SNX20: variants seen among roughly 807,000 people sequenced by gnomAD.
The protein encoded by SNX20 is sorting nexin 20.
SNX20 carries 21 observed loss-of-function variants against 24.5 expected under a neutral mutation model. The observed-to-expected ratio is 0.86, with a 90% CI of 0.61 to 1.23. The LOEUF is 1.23. SNX20 is among the 50% of genes most tolerant of loss of function. The probability of loss-of-function intolerance (pLI) is 0.00; values close to 1 mark genes in which losing one functional copy is unlikely to be tolerated. For missense variants in SNX20, 433 were observed against 430.8 expected, an observed-to-expected ratio of 1.00 and a Z score of -0.04; for synonymous variants, 206 against 192.8, an observed-to-expected ratio of 1.07 and a Z score of -0.57.
chr16:50,678,825 C>A (rs540319558), intron 1 of SNX20, among the ~76,000 whole-genome samples: 1 of 152,180 alleles, frequency 6.6e-6, no homozygotes, highest in African/African-American at 2.4e-5. Context: ...ACAGAACCCA[C>A]GTTCACAAGG....
intron 2 of SNX20, among the ~76,000 whole-genome samples, chr16:50,676,205 A>G (rs1289151508): frequency 6.6e-6 from 1 of 151,650 alleles, no homozygotes; most frequent in Non-Finnish European, 1.5e-5. Flanking sequence ...TGCATCGTCC[A>G]CTTCTGGTCT....
downstream of SNX20, chr16:50,669,443 A>C: frequency 3.3e-6 from 1 of 303,228 alleles, no homozygotes; most frequent in Non-Finnish European, 6.2e-6. Flanking sequence ...CAGAGTGAGA[A>C]CTCATTCATT....
At chr16:50,680,459 C>T (rs1230459738) in intron 1 of SNX20, among the ~76,000 whole-genome samples, 1 of 150,244 alleles carries the variant, frequency 6.7e-6, no homozygotes, top group East Asian at 1.9e-4. Context: ...AGTCATTCTC[C>T]TCCTCCTGTC....
downstream of SNX20, chr16:50,670,812 A>C (rs945194148): frequency 6.6e-6 from 1 of 151,580 alleles, no homozygotes; most frequent in Non-Finnish European, 1.5e-5. Flanking sequence ...CATGGCCAGA[A>C]GAAACTCCCG....
At chr16:50,671,053 TTCTC>T (rs1369234702), downstream of SNX20, 1 of 152,058 alleles carries the variant, frequency 6.6e-6, no homozygotes, top group Admixed American at 6.5e-5. Flanking sequence ...TATAAGTATT[TTCTC>T]TCTGTGTGCA....
downstream of SNX20, chr16:50,669,037 C>T: frequency 6.4e-7 from 1 of 1,551,816 alleles, no homozygotes; most frequent in Non-Finnish European, 8.7e-7. Flanking sequence ...GTGTGTGCTG[C>T]CTCTCAGAGC....
downstream of SNX20, chr16:50,668,091 C>T (rs747915383): frequency 6.8e-5 from 106 of 1,551,398 alleles, no homozygotes; most frequent in East Asian, 5.4e-4. Context: ...ACCAGGCCCA[C>T]GACTTAGGAG....
rs1055429457 is a variant in SNX20 at position 50,681,225 on chromosome 16, G to T, written c.-45C>A. ...CAGGGCTGTGTGTGTCCAGGGGTCC[G>T]GGAGGAGTGTCATATGGCCCCTTCG... On this transcript the variant is annotated 5_prime_UTR_variant, in exon 1 of 4. Coordinates refer to ENST00000330943, the MANE Select transcript of SNX20 (RefSeq NM_182854.4). The T allele has an allele frequency of 6.6e-6, 1 of 152,528 alleles. No individual in the cohort carries two copies. Among genetic ancestry groups the T allele is most frequent in the African/African-American group, 2.4e-5 (1 of 41,564 alleles). The allele number at this position is 152,528 out of a possible 1,614,324, so 9.4% of individuals were successfully genotyped here.
downstream of SNX20, chr16:50,666,939 A>G (rs1237652604): frequency 4.1e-5 from 6 of 146,140 alleles, no homozygotes; most frequent in South Asian, 2.2e-4. Context: ...AGAGAAAGCG[A>G]AAGTGGGAGA....
At chr16:50,677,682 A>G (rs940151831) in intron 1 of SNX20, 147 bp from the exon 2 acceptor site, 1 of 905,164 alleles carries the variant, frequency 1.1e-6, no homozygotes. Context: ...CCACTCTCCC[A>G]GCTGCCAGAT....
rs144241149 is a variant in SNX20 at position 50,677,795 on chromosome 16, A to G, written c.-9-260T>C. On this transcript the variant is annotated intron_variant, in intron 1 of 3. Coordinates refer to ENST00000330943, the MANE Select transcript of SNX20 (RefSeq NM_182854.4). ...TATGTTATTGAGGTGATCCTTACGT[A>G]TTGCTCAGAGTTTTAAATGAGATGA... Among the ~76,000 whole-genome samples, 461 of 152,322 alleles carry G rather than the reference A, an allele frequency of 3.0e-3. 2 individuals carry two copies. Among genetic ancestry groups the G allele is most frequent in the Non-Finnish European group, 5.0e-3 (342 of 68,026 alleles).
At chr16:50,679,771 C>T (rs1269902540) in intron 1 of SNX20, among the ~76,000 whole-genome samples, 1 of 152,104 alleles carries the variant, frequency 6.6e-6, no homozygotes, top group East Asian at 1.9e-4. Context: ...CTGACTGGTG[C>T]CTAAGTGAGA....
downstream of SNX20, chr16:50,671,170 C>T (rs1405983395): frequency 6.8e-6 from 1 of 146,942 alleles, no homozygotes; most frequent in African/African-American, 2.5e-5. Context: ...CAACAGGATC[C>T]TACACTTCTT....
At chr16:50,676,799 T>C (rs372819104) in intron 2 of SNX20, among the ~76,000 whole-genome samples, 3 of 152,362 alleles carry the variant, frequency 2.0e-5, no homozygotes, top group East Asian at 1.9e-4. Context: ...TTTCTGTTTC[T>C]CCAGTGCCCT....
At chr16:50,669,417 C>T, downstream of SNX20, 1 of 413,708 alleles carries the variant, frequency 2.4e-6, no homozygotes, top group Non-Finnish European at 4.4e-6. Context: ...AAACAACCAG[C>T]TCTCATGTAA....
intron 3 of SNX20, among the ~76,000 whole-genome samples, chr16:50,674,361 C>T (rs1251033110): frequency 1.3e-5 from 2 of 151,942 alleles, no homozygotes; most frequent in African/African-American, 4.8e-5. Context: ...TTGACCTGCC[C>T]ACCTGAGCCT....
At position 50,681,306 on chromosome 16, in the gene SNX20, C is replaced by G. The variant is rs1028925259; in HGVS notation, c.-126G>C. The G allele has an allele frequency of 6.6e-6, 1 of 152,416 alleles. No homozygotes were observed. Among genetic ancestry groups the G allele is most frequent in the Non-Finnish European group, 1.5e-5 (1 of 68,094 alleles). 9.4% of individuals were successfully genotyped at this position (152,416 alleles called of 1,614,324 possible). ...CGAGGGGCTGCCACTTTCTAAGTTC[C>G]CCGTTTGAAAACAGGAAACAGGCTG... On this transcript the variant is annotated 5_prime_UTR_variant, in exon 1 of 4. Coordinates refer to ENST00000330943, the MANE Select transcript of SNX20 (RefSeq NM_182854.4).
chr16:50,673,662 G>A lies in SNX20; in HGVS notation c.695C>T (p.Ala232Val). The change falls in exon 4 of 4, where the codon GCC (alanine) becomes GTC (valine). Residue 232 changes from alanine (A) to valine (V), a missense_variant. Transcript: ENST00000330943. This position sits in a 1 kb window ranked among gnomAD's most constrained non-coding sequence, Gnocchi z 4.1. Reference protein sequence around the residue: ...CPAAAVPALCAVLLCHRDLDR... With the variant: ...CPAAAVPALCVVLLCHRDLDR... ...GAGGTCGCGGTGGCACAGCAGCACGGCGCACAGGGCCGGGACGGCGGCCGC... is the reference window on the plus strand; with the variant it reads ...GAGGTCGCGGTGGCACAGCAGCACGACGCACAGGGCCGGGACGGCGGCCGC... 6.6e-7 allele frequency: 1 copy of A among 1,504,756 alleles called. No homozygotes were observed. Among genetic ancestry groups the A allele is most frequent in the Non-Finnish European group, 8.8e-7 (1 of 1,136,106 alleles). 93.2% of individuals were successfully genotyped at this position (1,504,756 alleles called of 1,614,324 possible).
chr16:50,673,505 G>T lies in SNX20; in HGVS notation c.852C>A (p.Phe284Leu). The change falls in exon 4 of 4, where the codon TTC (phenylalanine) becomes TTA (leucine). Residue 284 changes from phenylalanine to leucine, a missense_variant. Physicochemically the swap from Phe to Leu is conservative, Grantham distance 22. Transcript: ENST00000330943. The surrounding 1 kb of genome is among the most constrained non-coding windows in gnomAD (Gnocchi z 4.1). ...VRLAYALGKD[F>L]VTLQERLEES... is the part of the protein sequence containing the mutation. ...CCTCCAGCCTCTCCTGCAGAGTCAC[G>T]AAGTCCTTGCCCAGCGCGTAGGCCA... 5 of 1,609,576 alleles carry T rather than the reference G, an allele frequency of 3.1e-6. No homozygotes were observed. The highest frequency in any genetic ancestry group is 1.3e-5 in the African/African-American group (1 of 74,402).
Sources: gnomAD v4.1 joint callset for allele counts (sites outside exome capture counted in the v4.1 genomes callset) on GRCh38, gnomAD v4.1.1 for gene constraint, Gnocchi (gnomAD v3.1) non-coding constraint, MANE v1.5 for transcripts, NCBI Gene and HGNC (gene_info 2026-07-23, HGNC 2026-07-21) for gene names.